Variants in GLCE observed in about 807,000 individuals in gnomAD.
GLCE encodes the protein glucuronic acid epimerase.
A neutral mutation model predicts 47.9 loss-of-function variants in GLCE; 19 were observed. That is an observed-to-expected ratio of 0.40 (90% confidence interval 0.28 to 0.58). The LOEUF is 0.58. Among genes scored for constraint, GLCE ranks in the 20% least tolerant of loss-of-function variants. GLCE has a pLI of 0.48. For synonymous variants in GLCE, 245 were observed against 263.4 expected (o/e 0.93, Z 0.68); for missense variants, 556 against 743.3 (o/e 0.75, Z 2.93).
intron 1 of GLCE, among the ~76,000 whole-genome samples, chr15:69,162,799 G>A (rs376039338): frequency 1.8e-4 from 27 of 152,208 alleles, no homozygotes; most frequent in African/African-American, 6.0e-4. Flanking sequence ...TGCCCAGTCT[G>A]GTCTTGAACT....
intron 1 of GLCE, among the ~76,000 whole-genome samples, chr15:69,190,232 G>A (rs2051893169): frequency 6.6e-6 from 1 of 152,070 alleles, no homozygotes; most frequent in African/African-American, 2.4e-5. Flanking sequence ...TTGGGGTGTT[G>A]TTCCATGTGT....
At chr15:69,214,356 T>C (rs2052275431) in intron 2 of GLCE, among the ~76,000 whole-genome samples, 1 of 152,132 alleles carries the variant, frequency 6.6e-6, no homozygotes, top group African/African-American at 2.4e-5. Context: ...CATGGGGCAG[T>C]GTCCCCATGC....
At chr15:69,245,608 A>G (rs777660557) in intron 2 of GLCE, among the ~76,000 whole-genome samples, 29 of 152,270 alleles carry the variant, frequency 1.9e-4, no homozygotes, top group Admixed American at 1.7e-3. Context: ...ATGCCATTTG[A>G]TAGCATTTTA....
chr15:69,256,265 A>C lies in GLCE; in HGVS notation c.459A>C (p.Glu153Asp). The C allele has an allele frequency of 6.2e-7, 1 of 1,614,032 alleles. No individual in the cohort carries two copies. The highest frequency in any genetic ancestry group is 8.5e-7 in the Non-Finnish European group (1 of 1,179,918). Reference protein sequence around the residue: ...VVQYDGYDRFEFSHSYSKVYA... With the variant: ...VVQYDGYDRFDFSHSYSKVYA... ...AGTATGATGGCTATGATCGGTTTGA[A>C]TTCTCTCATAGCTATTCCAAAGTCT... The change falls in exon 3 of 5, where the codon GAA becomes GAC. Residue 153 changes from glutamate (E) to aspartate (D), a missense_variant. Physicochemically the swap from Glu to Asp is conservative, Grantham distance 45. Coordinates refer to ENST00000261858, the MANE Select transcript of GLCE (RefSeq NM_015554.3).
chr15:69,191,625 C>T (rs1271667301), intron 1 of GLCE, among the ~76,000 whole-genome samples: 2 of 152,124 alleles, frequency 1.3e-5, no homozygotes, highest in Non-Finnish European at 1.5e-5. Context: ...GTCAGGTAAG[C>T]GTCCTCTGCC....
intron 2 of GLCE, among the ~76,000 whole-genome samples, chr15:69,253,836 A>C (rs2052883091): frequency 6.6e-6 from 1 of 152,224 alleles, no homozygotes; most frequent in African/African-American, 2.4e-5. Flanking sequence ...CAAACCCCTT[A>C]TGAATAACTT....
rs571546262 is a variant in GLCE at position 69,260,810 on chromosome 15, A to C, written c.587-277A>C. 3 of 344,448 alleles carry C rather than the reference A, an allele frequency of 8.7e-6. No individual in the cohort carries two copies. In the East Asian group the frequency reaches 1.4e-4, roughly 16 times the overall value. 21.3% of individuals were successfully genotyped at this position (344,448 alleles called of 1,614,324 possible). The stretch of plus-strand genomic sequence containing the variant: ...GACATCTGTAGCCATGAGCAAAAGT[A>C]ACACACACAAAAAGCCAGTCCTTAA... On this transcript the variant is annotated intron_variant, in intron 3 of 4. Coordinates refer to ENST00000261858, the MANE Select transcript of GLCE (RefSeq NM_015554.3).
intron 1 of GLCE, among the ~76,000 whole-genome samples, chr15:69,184,542 G>C (rs910217188): frequency 2.6e-5 from 4 of 152,120 alleles, no homozygotes; most frequent in African/African-American, 9.7e-5. Flanking sequence ...ACCTTTTGTT[G>C]TTCATCAGCT....
At chr15:69,222,975 C>T (rs1566960610) in intron 2 of GLCE, among the ~76,000 whole-genome samples, 1 of 152,152 alleles carries the variant, frequency 6.6e-6, no homozygotes. Flanking sequence ...TCCAAAAATC[C>T]TGCTCATCTA....
intron 3 of GLCE, 23 bp downstream of exon 3, chr15:69,256,415 T>G: frequency 3.4e-6 from 5 of 1,481,386 alleles, no homozygotes; most frequent in Non-Finnish European, 4.7e-6. Flanking sequence ...CTGCTTCACT[T>G]GCATTTTTCA....
At position 69,207,577 on chromosome 15, in the gene GLCE, A is replaced by G. The variant is rs188035525; in HGVS notation, c.-104-2739A>G. Reference sequence around the variant, plus strand: ...TTTATTCATATTGTTTCATGAATCAAATAGTTCATTCCTTTTCATTTCTGC... The same window carrying G: ...TTTATTCATATTGTTTCATGAATCAGATAGTTCATTCCTTTTCATTTCTGC... On this transcript the variant is annotated intron_variant, in intron 1 of 4. Coordinates refer to ENST00000261858, the MANE Select transcript of GLCE (RefSeq NM_015554.3). Among the ~76,000 whole-genome samples the G allele has an allele frequency of 3.4e-3, 520 of 152,258 alleles. 6 individuals are homozygous for G. Among genetic ancestry groups the G allele is most frequent in the African/African-American group, 0.012 (496 of 41,584 alleles).
intron 2 of GLCE, among the ~76,000 whole-genome samples, chr15:69,213,350 A>G (rs2052259679): frequency 6.6e-6 from 1 of 152,108 alleles, no homozygotes; most frequent in Admixed American, 6.6e-5. Context: ...CCAATCTGAC[A>G]GTTCCTTAGT....
chr15:69,166,253 C>T (rs926687922), intron 1 of GLCE, among the ~76,000 whole-genome samples: 9 of 152,140 alleles, frequency 5.9e-5, no homozygotes, highest in African/African-American at 2.2e-4. Flanking sequence ...ATTTGCTCAG[C>T]GTCATTATCT....
chr15:69,233,376 C>T (rs1160903801), intron 2 of GLCE, among the ~76,000 whole-genome samples: 1 of 152,080 alleles, frequency 6.6e-6, no homozygotes, highest in Non-Finnish European at 1.5e-5. Flanking sequence ...TTTATAAATT[C>T]CCCTTGTTTT....
At chr15:69,246,884 G>T (rs1387257070) in intron 2 of GLCE, among the ~76,000 whole-genome samples, 2 of 152,174 alleles carry the variant, frequency 1.3e-5, no homozygotes, top group South Asian at 2.1e-4. Flanking sequence ...ATTTTGAAGG[G>T]AATCTTTTTT....
intron 4 of GLCE, among the ~76,000 whole-genome samples, chr15:69,262,541 C>T (rs910571182): frequency 2.0e-5 from 3 of 152,146 alleles, no homozygotes; most frequent in African/African-American, 7.2e-5. Flanking sequence ...TCACCTTGAT[C>T]TCCTTGAGTG....
intron 1 of GLCE, among the ~76,000 whole-genome samples, chr15:69,195,440 TTGTG>T (rs933774388): frequency 1.3e-5 from 2 of 151,566 alleles, no homozygotes; most frequent in Admixed American, 6.6e-5. Flanking sequence ...TCCTTAGAGT[TTGTG>T]TGTGTGTGTG....
chr15:69,258,695 T>C (rs1217656603), intron 3 of GLCE, among the ~76,000 whole-genome samples: 1 of 152,190 alleles, frequency 6.6e-6, no homozygotes, highest in African/African-American at 2.4e-5. Context: ...TAATGGTGTA[T>C]CCATCACCTC....
In GLCE at chr15:69,256,439, T is replaced by C. The variant is rs2052926575; in HGVS notation, c.586+47T>C. ...TTGCATTTTTCAAGCATGATTGTGT[T>C]GAGGAATAAGAAAATGTTGTTAATT... On this transcript the variant is annotated intron_variant, in intron 3 of 4. Coordinates refer to ENST00000261858, the MANE Select transcript of GLCE (RefSeq NM_015554.3). The C allele has an allele frequency of 4.8e-6, 6 of 1,262,324 alleles. No homozygotes were observed. In the East Asian group the frequency reaches 1.4e-4, roughly 29 times the overall value. The allele number at this position is 1,262,324 out of a possible 1,614,324, so 78.2% of individuals were successfully genotyped here. A position where few individuals can be genotyped will look rare whatever the true frequency, so the allele number is the denominator to read the frequency against.
Sources: allele counts gnomAD v4.1 joint callset (sites outside exome capture counted in the v4.1 genomes callset), GRCh38; gene constraint gnomAD v4.1.1; transcripts MANE v1.5; gene names NCBI Gene and HGNC (gene_info 2026-07-23, HGNC 2026-07-21).